RABGEF1: variants seen among roughly 807,000 people sequenced by gnomAD.
The protein encoded by RABGEF1 is RAB guanine nucleotide exchange factor 1, also known as rab5 GDP/GTP exchange factor.
RABGEF1 carries 26 observed loss-of-function variants against 57.3 expected under a neutral mutation model. That is an observed-to-expected ratio of 0.45 (90% confidence interval 0.33 to 0.63). RABGEF1 has a LOEUF of 0.63. RABGEF1 is among the 20% of genes least tolerant of loss of function. RABGEF1 has a pLI of 0.02. For missense variants in RABGEF1, 464 were observed against 607.6 expected, an observed-to-expected ratio of 0.76 and a Z score of 2.48; for synonymous variants, 185 against 210.7, an observed-to-expected ratio of 0.88 and a Z score of 1.06.
chr7:66,714,459 T>C (rs1479470502), intron 2 of RABGEF1, among the ~76,000 whole-genome samples: 1 of 152,204 alleles, frequency 6.6e-6, no homozygotes, highest in Non-Finnish European at 1.5e-5. Context: ...TTCCTTTCTT[T>C]TCTCTCTTTT....
At chr7:66,724,110 C>T (rs146179010) in intron 2 of RABGEF1, among the ~76,000 whole-genome samples, 35 of 151,874 alleles carry the variant, frequency 2.3e-4, no homozygotes, top group African/African-American at 8.2e-4. Context: ...TTGAGAGAGG[C>T]TATTTTAATT....
chr7:66,797,355 C>G lies in RABGEF1; in HGVS notation c.596-19C>G. 6.5e-7 allele frequency: 1 copy of G among 1,533,592 alleles called. No homozygotes were observed. The highest frequency in any genetic ancestry group is 8.8e-7 in the Non-Finnish European group (1 of 1,132,040). The allele number at this position is 1,533,592 out of a possible 1,614,324, so 95.0% of individuals were successfully genotyped here. A position where few individuals can be genotyped will look rare whatever the true frequency, so the allele number is the denominator to read the frequency against. Reference sequence around the variant, plus strand: ...AAAAATATATATATCTTGATCTTTTCTCTGTCTGGTTATTTCAGTGCCTCC... The same window carrying G: ...AAAAATATATATATCTTGATCTTTTGTCTGTCTGGTTATTTCAGTGCCTCC... On this transcript the variant is annotated intron_variant, in intron 5 of 8. Coordinates refer to ENST00000284957, the MANE Select transcript of RABGEF1 (RefSeq NM_014504.3).
chr7:66,753,659 A>G (rs527734014), intron 1 of RABGEF1, among the ~76,000 whole-genome samples: 8 of 147,830 alleles, frequency 5.4e-5, no homozygotes, highest in Non-Finnish European at 8.9e-5. Context: ...TCTTCGCATA[A>G]CAGTGTTTTT....
chr7:66,701,472 C>T (rs189226005), intron 1 of RABGEF1, among the ~76,000 whole-genome samples: 1 of 149,020 alleles, frequency 6.7e-6, no homozygotes, highest in African/African-American at 2.5e-5. Flanking sequence ...ACACTCCAGC[C>T]TGGAGGACAG....
At chr7:66,671,817 CTTTT>C in the RABGEF1 span, among the ~76,000 whole-genome samples, 3 of 125,510 alleles carry the variant, frequency 2.4e-5, no homozygotes, top group African/African-American at 3.0e-5. Flanking sequence ...GTGAGACTGT[CTTTT>C]TTTTTTTTTT....
chr7:66,795,061 G>A (rs902259112), intron 4 of RABGEF1, among the ~76,000 whole-genome samples: 2 of 152,212 alleles, frequency 1.3e-5, no homozygotes, highest in African/African-American at 4.8e-5. Flanking sequence ...CCACCGGGGT[G>A]GAGTTTTGGG....
intron 1 of RABGEF1, among the ~76,000 whole-genome samples, chr7:66,758,266 C>G (rs746712792): frequency 1.3e-5 from 2 of 152,336 alleles, no homozygotes; most frequent in Middle Eastern, 3.4e-3. Flanking sequence ...AGAAAGAACA[C>G]TAATAGTTCT....
At chr7:66,725,067 G>A (rs1015603854) in intron 2 of RABGEF1, among the ~76,000 whole-genome samples, 8 of 151,880 alleles carry the variant, frequency 5.3e-5, no homozygotes, top group Non-Finnish European at 7.4e-5. Flanking sequence ...TTCTATAGCC[G>A]ATTTAAAATC....
chr7:66,775,941 A>G (rs913408132), intron 3 of RABGEF1, among the ~76,000 whole-genome samples: 1 of 152,192 alleles, frequency 6.6e-6, no homozygotes, highest in African/African-American at 2.4e-5. Flanking sequence ...ATGGATTTGT[A>G]TGTAGGTGAT....
intron 1 of RABGEF1, among the ~76,000 whole-genome samples, chr7:66,692,551 T>C (rs142653534): frequency 0.015 from 2,220 of 152,138 alleles, 60 homozygotes; most frequent in East Asian, 0.093. Context: ...TCTCCAAAAG[T>C]GACAGGTAAA....
the RABGEF1 span, among the ~76,000 whole-genome samples, chr7:66,662,759 G>A: frequency 6.6e-6 from 1 of 150,502 alleles, no homozygotes; most frequent in East Asian, 1.9e-4. Context: ...GTGTGTGCAG[G>A]TGTGTATGTA....
chr7:66,664,299 G>C, the RABGEF1 span, among the ~76,000 whole-genome samples: 2 of 152,080 alleles, frequency 1.3e-5, no homozygotes, highest in Non-Finnish European at 2.9e-5. Context: ...ATTACTTTGG[G>C]CCAGGCGCAG....
At chr7:66,695,534 GTCCA>G (rs1275105605) in intron 1 of RABGEF1, among the ~76,000 whole-genome samples, 2 of 152,214 alleles carry the variant, frequency 1.3e-5, no homozygotes, top group African/African-American at 4.8e-5. Flanking sequence ...GCCCCTGTCT[GTCCA>G]TCCATCTGGG....
At chr7:66,754,641 T>C (rs1427948130) in intron 1 of RABGEF1, among the ~76,000 whole-genome samples, 1 of 152,144 alleles carries the variant, frequency 6.6e-6, no homozygotes. Flanking sequence ...CATTTACATA[T>C]GTGTCTTATA....
intron 1 of RABGEF1, among the ~76,000 whole-genome samples, chr7:66,770,929 A>T (rs568925059): frequency 3.3e-5 from 5 of 151,942 alleles, no homozygotes; most frequent in Non-Finnish European, 7.4e-5. Context: ...AGAATTGTTT[A>T]TTGAAGTCCT....
At chr7:66,702,345 G>C (rs1268474214) in intron 1 of RABGEF1, among the ~76,000 whole-genome samples, 3 of 122,692 alleles carry the variant, frequency 2.4e-5, no homozygotes. Context: ...CTATTGTTTT[G>C]TTTGTGTGTG....
At chr7:66,699,469 C>T (rs950731099) in intron 1 of RABGEF1, among the ~76,000 whole-genome samples, 7 of 152,072 alleles carry the variant, frequency 4.6e-5, no homozygotes, top group African/African-American at 1.4e-4. Flanking sequence ...GGCGGATGGA[C>T]CACCTGAGGT....
intron 1 of RABGEF1, among the ~76,000 whole-genome samples, chr7:66,692,410 G>A (rs896845303): frequency 4.6e-5 from 7 of 152,202 alleles, no homozygotes; most frequent in South Asian, 2.1e-4. Flanking sequence ...GAACCTCAGC[G>A]AGTGCATTGA....
intron 1 of RABGEF1, among the ~76,000 whole-genome samples, chr7:66,764,449 C>G (rs575185526): frequency 4.6e-5 from 7 of 152,260 alleles, no homozygotes; most frequent in Non-Finnish European, 4.4e-5. Flanking sequence ...GAAGCACAAA[C>G]ATTAAAATTT....
Sources: gnomAD v4.1 joint callset for allele counts (sites outside exome capture counted in the v4.1 genomes callset) on GRCh38, gnomAD v4.1.1 for gene constraint, MANE v1.5 for transcripts, NCBI Gene and HGNC (gene_info 2026-07-23, HGNC 2026-07-21) for gene names.